Variants in SLC18A3 observed in about 807,000 individuals in gnomAD.
SLC18A3 encodes the protein solute carrier family 18 member A3, also known as vesicular acetylcholine transporter.
Under a neutral mutation model 24.2 loss-of-function variants are expected in SLC18A3, and 18 were observed. That is an observed-to-expected ratio of 0.74 (90% CI 0.51 to 1.10). The LOEUF (loss-of-function observed/expected upper bound fraction) is 1.10. Among genes scored for constraint, SLC18A3 ranks in the 50% least tolerant of loss-of-function variants. The pLI, the probability that SLC18A3 is intolerant of heterozygous loss-of-function variation, is 0.00. For missense variants in SLC18A3, 744 were observed against 750.7 expected (o/e 0.99, Z 0.10); for synonymous variants, 415 against 355.4 (o/e 1.17, Z -1.89).
rs1181281706 is a variant in SLC18A3, at chr10:49,611,579, C to A, written c.839C>A (p.Thr280Asn). The A allele has an allele frequency of 1.2e-6, 2 of 1,608,478 alleles. No homozygotes were observed. Among genetic ancestry groups the A allele is most frequent in the African/African-American group, 2.7e-5 (2 of 74,952 alleles). ...GCTCGGGCCAACCTGCCAGTGGGCA[C>A]TCCCATCCACCGCCTCATGCTAGAC... ...ARARANLPVG[T>N]PIHRLMLDPY... The change falls in exon 1 of 1, where the codon ACT becomes AAT. Residue 280 changes from threonine to asparagine, a missense_variant. Physicochemically the swap from Thr to Asn is moderately conservative, Grantham distance 65 (BLOSUM62 0). Coordinates refer to ENST00000374115, the MANE Select transcript of SLC18A3 (RefSeq NM_003055.3).
At position 49,612,196 on chromosome 10, in the gene SLC18A3, C is replaced by T. The variant is rs1838318493; in HGVS notation, c.1456C>T (p.Leu486Phe). The stretch of plus-strand genomic sequence containing the variant: ...CTCCCGTTCCGAGCGCGATGTGCTG[C>T]TTGATGAGCCACCGCAAGGTCTGTA... ...TRSRSERDVL[L>F]DEPPQGLYDA... The change falls in exon 1 of 1, where the codon CTT becomes TTT. Residue 486 changes from leucine (L) to phenylalanine (F), a missense_variant. Coordinates refer to ENST00000374115, the MANE Select transcript of SLC18A3 (RefSeq NM_003055.3). 10 of 1,609,290 alleles carry T rather than the reference C, an allele frequency of 6.2e-6. No individual in the cohort carries two copies. The East Asian group carries it at 2.2e-4, about 36-fold the overall frequency.
Position 49,612,631 on chromosome 10 carries a change from T to A in SLC18A3, c.*292T>A, listed in dbSNP as rs1838332244. On this transcript the variant is annotated 3_prime_UTR_variant, in exon 1 of 1. Coordinates refer to ENST00000374115, the MANE Select transcript of SLC18A3 (RefSeq NM_003055.3). ...CCCCTGTGTAGAGCCTGCATCTGTC[T>A]GTCCTTCCTTCCATTGCTCCCAGTG... 1.3e-5 allele frequency: 5 copies of A among 391,686 alleles called. No individual in the cohort carries two copies. The highest frequency in any genetic ancestry group is 4.5e-5 in the Admixed American group (1 of 22,388). 24.3% of individuals were successfully genotyped at this position (391,686 alleles called of 1,614,324 possible).
In SLC18A3 at chr10:49,612,471, C is replaced by CAAGGT; in HGVS notation, c.*132_*133insAAGGT. On this transcript the variant is annotated 3_prime_UTR_variant, in exon 1 of 1. Transcript: ENST00000374115. ...CCCAGCCACTCCTCAACCTTGACTT[C>CAAGGT]TGCCCAAATCCCCTCCCTGTGACCC... 1 of 869,420 alleles carries CAAGGT rather than the reference C, an allele frequency of 1.2e-6. No individual in the cohort carries two copies. The highest frequency in any genetic ancestry group is 1.8e-5 in the South Asian group (1 of 56,172). The allele number at this position is 869,420 out of a possible 1,614,324, so 53.9% of individuals were successfully genotyped here. A position where few individuals can be genotyped will look rare whatever the true frequency, so the allele number is the denominator to read the frequency against.
Position 49,611,354 on chromosome 10 carries a change from C to G in SLC18A3, c.614C>G (p.Pro205Arg), listed in dbSNP as rs1007821771. 5.0e-6 allele frequency: 8 copies of G among 1,600,544 alleles called. No homozygotes were observed. The highest frequency in any genetic ancestry group is 3.4e-6 in the Non-Finnish European group (4 of 1,179,780). ...SGIAMIADKY[P>R]EEPERSRALG... ...ATAGCCATGATCGCCGATAAGTACC[C>G]GGAGGAGCCGGAGCGCAGTCGTGCA... The change falls in exon 1 of 1, where the codon CCG (proline) becomes CGG (arginine). Residue 205 changes from proline to arginine, a missense_variant. Around this residue, in one of 3 missense-constraint regions of SLC18A3, gnomAD observed 566 missense variants for 566.2 expected, o/e 1.00. Coordinates refer to ENST00000374115, the MANE Select transcript of SLC18A3 (RefSeq NM_003055.3).
rs768089288 is a variant in SLC18A3, at chr10:49,611,496, G to A, written c.756G>A (p.Ser252=). 6.2e-7 allele frequency: 1 copy of A among 1,600,344 alleles called. No individual in the cohort carries two copies. The highest frequency in any genetic ancestry group is 1.1e-5 in the South Asian group (1 of 91,062). ...RVPFLVLAAV[S]LFDALLLLAV... is the part of the protein sequence containing the mutation. ...CCTTCTTGGTGCTAGCTGCCGTGTCGCTCTTTGACGCGCTGTTGCTGCTGG... is the reference window on the plus strand; with the variant it reads ...CCTTCTTGGTGCTAGCTGCCGTGTCACTCTTTGACGCGCTGTTGCTGCTGG... Residue 252 remains serine, a synonymous_variant, in exon 1 of 1, where the codon TCG becomes TCA. Transcript: ENST00000374115.
At position 49,610,751 on chromosome 10, in the gene SLC18A3, C is replaced by A; in HGVS notation, c.11C>A (p.Ala4Glu). The A allele has an allele frequency of 6.6e-7, 1 of 1,525,102 alleles. No individual in the cohort carries two copies. Among genetic ancestry groups the A allele is most frequent in the South Asian group, 1.3e-5 (1 of 77,802 alleles). The allele number at this position is 1,525,102 out of a possible 1,614,324, so 94.5% of individuals were successfully genotyped here. A position where few individuals can be genotyped will look rare whatever the true frequency, so the allele number is the denominator to read the frequency against. MES[A>E]EPAGQARAAA... ...CATCGGGGTGGGGGCATGGAATCCG[C>A]GGAACCTGCGGGCCAGGCCCGGGCG... Residue 4 changes from alanine to glutamate, a missense_variant, in exon 1 of 1, where the codon GCG (alanine) becomes GAG (glutamate). Transcript: ENST00000374115.
chr10:49,612,248 C>A lies in SLC18A3; in HGVS notation c.1508C>A (p.Pro503His), dbSNP rs1381110541. The change falls in exon 1 of 1, where the codon CCT (proline) becomes CAT (histidine). Residue 503 changes from proline to histidine, a missense_variant. Pro to His is a moderately conservative substitution (Grantham distance 77). Coordinates refer to ENST00000374115, the MANE Select transcript of SLC18A3 (RefSeq NM_003055.3). ...LYDAVRLRER[P>H]VSGQDGEPRS... is the part of the protein sequence containing the mutation. Reference sequence around the variant, plus strand: ...GATGCGGTGCGCCTGCGTGAGCGTCCTGTGTCTGGCCAGGACGGCGAGCCT... The same window carrying A: ...GATGCGGTGCGCCTGCGTGAGCGTCATGTGTCTGGCCAGGACGGCGAGCCT... 1.2e-6 allele frequency: 2 copies of A among 1,610,172 alleles called. No individual in the cohort carries two copies. The highest frequency in any genetic ancestry group is 2.7e-5 in the African/African-American group (2 of 74,934).
Position 49,612,163 on chromosome 10 carries a change from C to T in SLC18A3, c.1423C>T (p.Leu475=). The change falls in exon 1 of 1, where the codon CTG becomes TTG. Residue 475 remains leucine (L), a synonymous_variant. Transcript: ENST00000374115. ...VLLLLRNVGL[L]TRSRSERDVL... Reference sequence around the variant, plus strand: ...GCTGCTGCTCCGCAACGTGGGCCTCCTGACGCGCTCCCGTTCCGAGCGCGA... The same window carrying T: ...GCTGCTGCTCCGCAACGTGGGCCTCTTGACGCGCTCCCGTTCCGAGCGCGA... 2 of 1,610,970 alleles carry T rather than the reference C, an allele frequency of 1.2e-6. No individual in the cohort carries two copies. The highest frequency in any genetic ancestry group is 8.5e-7 in the Non-Finnish European group (1 of 1,179,886).
chr10:49,611,449 G>C lies in SLC18A3; in HGVS notation c.709G>C (p.Glu237Gln), dbSNP rs1338040113. The change falls in exon 1 of 1, where the codon GAG becomes CAG. Residue 237 changes from glutamate (E) to glutamine (Q), a missense_variant. Glu to Gln is a conservative substitution (Grantham distance 29, BLOSUM62 2). Coordinates refer to ENST00000374115, the MANE Select transcript of SLC18A3 (RefSeq NM_003055.3). The stretch of plus-strand genomic sequence containing the variant: ...CCCGCCCTTCGGGGGCATCCTCTAT[G>C]AGTTCGCCGGCAAGCGCGTGCCCTT... The part of the protein sequence containing the change: ...VAPPFGGILY[E>Q]FAGKRVPFLV... 1 of 1,598,314 alleles carries C rather than the reference G, an allele frequency of 6.3e-7. No homozygotes were observed. Among genetic ancestry groups the C allele is most frequent in the African/African-American group, 1.3e-5 (1 of 74,896 alleles).
In SLC18A3 at chr10:49,611,925, C is replaced by T. The variant is rs1215490692; in HGVS notation, c.1185C>T (p.Ala395=). ...VSLCGLCFGI[A]LVDTALLPTL... ...TATGCGGCCTCTGTTTTGGCATAGC[C>T]CTAGTCGACACAGCACTGCTGCCCA... Residue 395 remains alanine, a synonymous_variant, in exon 1 of 1, where the codon GCC becomes GCT. Transcript: ENST00000374115. 4 of 1,612,572 alleles carry T rather than the reference C, an allele frequency of 2.5e-6. No homozygotes were observed. Among genetic ancestry groups the T allele is most frequent in the African/African-American group, 2.7e-5 (2 of 75,054 alleles).
At position 49,612,316 on chromosome 10, in the gene SLC18A3, A is replaced by T. The variant is rs1819071897; in HGVS notation, c.1576A>T (p.Asn526Tyr). The T allele has an allele frequency of 6.2e-7, 1 of 1,601,718 alleles. No individual in the cohort carries two copies. Residue 526 changes from asparagine (N) to tyrosine (Y), a missense_variant, in exon 1 of 1, where the codon AAC becomes TAC. Asn to Tyr is a moderately radical substitution (Grantham distance 143, BLOSUM62 -2). This residue lies in a region of SLC18A3 where 160 missense variants were observed against 140.9 expected (regional missense o/e 1.14). Coordinates refer to ENST00000374115, the MANE Select transcript of SLC18A3 (RefSeq NM_003055.3). ...GPFDACEDDY[N>Y]YYYTRS is the part of the protein sequence containing the mutation. ...TTTTGATGCGTGCGAGGACGACTAC[A>T]ACTACTACTACACCCGCAGCTAGCA...
At position 49,612,281 on chromosome 10, in the gene SLC18A3, C is replaced by G. The variant is rs757770562; in HGVS notation, c.1541C>G (p.Pro514Arg). The G allele has an allele frequency of 6.8e-6, 11 of 1,611,866 alleles. No individual in the cohort carries two copies. The highest frequency in any genetic ancestry group is 8.5e-6 in the Non-Finnish European group (10 of 1,179,804). ...GGCCAGGACGGCGAGCCTCGCAGCC[C>G]GCCTGGCCCTTTTGATGCGTGCGAG... ...VSGQDGEPRS[P>R]PGPFDACEDD... is the part of the protein sequence containing the mutation. Residue 514 changes from proline to arginine, a missense_variant, in exon 1 of 1, where the codon CCG becomes CGG. Physicochemically the swap from Pro to Arg is moderately radical, Grantham distance 103 (BLOSUM62 -2). Around this residue, in one of 3 missense-constraint regions of SLC18A3, gnomAD observed 160 missense variants for 140.9 expected, o/e 1.14. Coordinates refer to ENST00000374115, the MANE Select transcript of SLC18A3 (RefSeq NM_003055.3).
At position 49,611,625 on chromosome 10, in the gene SLC18A3, C is replaced by T. The variant is rs1175704238; in HGVS notation, c.885C>T (p.Ala295=). 4.3e-6 allele frequency: 7 copies of T among 1,611,680 alleles called. No homozygotes were observed. The highest frequency in any genetic ancestry group is 4.2e-6 in the Non-Finnish European group (5 of 1,180,006). Reference sequence around the variant, plus strand: ...TAGACCCCTACATTGCCGTGGTGGCCGGCGCGCTCACCACCTGTAACATTC... The same window carrying T: ...TAGACCCCTACATTGCCGTGGTGGCTGGCGCGCTCACCACCTGTAACATTC... ...LMLDPYIAVV[A]GALTTCNIPL... The change falls in exon 1 of 1, where the codon GCC becomes GCT. Residue 295 remains alanine, a synonymous_variant. Transcript: ENST00000374115.
In SLC18A3 at chr10:49,611,544, G is replaced by A; in HGVS notation, c.804G>A (p.Ala268=). 6.2e-7 allele frequency: 1 copy of A among 1,603,620 alleles called. No individual in the cohort carries two copies. Among genetic ancestry groups the A allele is most frequent in the East Asian group, 2.2e-5 (1 of 44,872 alleles). ...TGGCAGTGGCCAAACCCTTCTCGGC[G>A]GCTGCACGGGCTCGGGCCAACCTGC... ...LLLAVAKPFS[A]AARARANLPV... The change falls in exon 1 of 1, where the codon GCG becomes GCA. Residue 268 remains alanine, a synonymous_variant. Transcript: ENST00000374115.
Position 49,611,063 on chromosome 10 carries a change from G to C in SLC18A3, c.323G>C (p.Gly108Ala), listed in dbSNP as rs1351649261. ...SASPTAAWPA[G>A]SALRPRYPTE... ...TCCCCGACAGCTGCGTGGCCAGCGG[G>C]CTCAGCCCTTCGGCCCCGCTACCCT... Residue 108 changes from glycine to alanine, a missense_variant, in exon 1 of 1, where the codon GGC becomes GCC. Around this residue, in one of 3 missense-constraint regions of SLC18A3, gnomAD observed 566 missense variants for 566.2 expected, o/e 1.00. Coordinates refer to ENST00000374115, the MANE Select transcript of SLC18A3 (RefSeq NM_003055.3). 1.1e-5 allele frequency: 18 copies of C among 1,613,908 alleles called. No individual in the cohort carries two copies. The Admixed American group carries it at 2.7e-4, about 24-fold the overall frequency.
At position 49,612,518 on chromosome 10, in the gene SLC18A3, T is replaced by G; in HGVS notation, c.*179T>G. On this transcript the variant is annotated 3_prime_UTR_variant, in exon 1 of 1. Coordinates refer to ENST00000374115, the MANE Select transcript of SLC18A3 (RefSeq NM_003055.3). ...ACCCGTTCCATATCCCTTTCTCTCT[T>G]GTCCAATGGGGCTTGGAGCACCGAG... The G allele has an allele frequency of 1.6e-6, 1 of 634,338 alleles. No homozygotes were observed. The highest frequency in any genetic ancestry group is 2.7e-6 in the Non-Finnish European group (1 of 370,812). The allele number at this position is 634,338 out of a possible 1,614,324, so 39.3% of individuals were successfully genotyped here.
Position 49,611,211 on chromosome 10 carries a change from C to T in SLC18A3, c.471C>T (p.Ile157=). The T allele has an allele frequency of 8.1e-6, 13 of 1,614,070 alleles. No individual in the cohort carries two copies. Among genetic ancestry groups the T allele is most frequent in the South Asian group, 4.4e-5 (4 of 91,090 alleles). ...DRMSYDVPLL[I]GLGVMFASTV... is the part of the protein sequence containing the mutation. The stretch of plus-strand genomic sequence containing the variant: ...TGAGCTACGACGTGCCGCTGCTGAT[C>T]GGCCTGGGCGTCATGTTCGCCTCTA... The change falls in exon 1 of 1, where the codon ATC becomes ATT. Residue 157 remains isoleucine, a synonymous_variant. Transcript: ENST00000374115.
chr10:49,612,322 TA>T lies in SLC18A3; in HGVS notation c.1583del (p.Tyr528SerfsTer57). 3.1e-6 allele frequency: 5 copies of T among 1,593,170 alleles called. No individual in the cohort carries two copies. Among genetic ancestry groups the T allele is most frequent in the Non-Finnish European group, 4.3e-6 (5 of 1,166,266 alleles). ...FDACEDDYNY[Y>X]YTRS ...TGCGTGCGAGGACGACTACAACTACTACTACACCCGCAGCTAGCATCCCCAC... is the reference window on the plus strand; with the variant it reads ...TGCGTGCGAGGACGACTACAACTACTCTACACCCGCAGCTAGCATCCCCAC... On this transcript the variant is annotated frameshift_variant, in exon 1 of 1. Coordinates refer to ENST00000374115, the MANE Select transcript of SLC18A3 (RefSeq NM_003055.3). LOFTEE classifies it high-confidence loss of function.
In SLC18A3 at chr10:49,611,320, A is replaced by G; in HGVS notation, c.580A>G (p.Thr194Ala). Residue 194 changes from threonine (T) to alanine (A), a missense_variant, in exon 1 of 1, where the codon ACG (threonine) becomes GCG (alanine). This residue lies in a region of SLC18A3 where 566 missense variants were observed against 566.2 expected (regional missense o/e 1.00). Transcript: ENST00000374115. The stretch of plus-strand genomic sequence containing the variant: ...GGGCCTGGGCTCAGCCTTCGCCGAC[A>G]CGTCTGGCATAGCCATGATCGCCGA... ...LQGLGSAFAD[T>A]SGIAMIADKY... 2 of 1,604,962 alleles carry G rather than the reference A, an allele frequency of 1.2e-6. No homozygotes were observed. Among genetic ancestry groups the G allele is most frequent in the Non-Finnish European group, 1.7e-6 (2 of 1,179,856 alleles).
Sources: allele counts gnomAD v4.1 joint callset, GRCh38; gene constraint gnomAD v4.1.1; regional missense constraint gnomAD v4.1.1; transcripts MANE v1.5; gene names NCBI Gene and HGNC (gene_info 2026-07-23, HGNC 2026-07-21).